Variants in PIEZO2 observed in about 807,000 individuals in gnomAD.
The protein encoded by PIEZO2 is piezo-type mechanosensitive ion channel component 2.
PIEZO2 carries 172 observed loss-of-function variants against 337.3 expected under a neutral mutation model. The observed-to-expected ratio is 0.51, with a 90% CI of 0.45 to 0.58. PIEZO2 has a LOEUF of 0.58. PIEZO2 is among the 20% of genes least tolerant of loss of function. PIEZO2 has a pLI of 0.00. For missense variants in PIEZO2, 3,028 were observed against 3,391.3 expected (o/e 0.89, Z 2.66); for synonymous variants, 1,251 against 1,228.5 (o/e 1.02, Z -0.38).
chr18:10,969,979 C>A lies in PIEZO2; in HGVS notation c.286+9556G>T, dbSNP rs1331280712. Among the ~76,000 whole-genome samples, 1 of 151,544 alleles carries A rather than the reference C, an allele frequency of 6.6e-6. No individual in the cohort carries two copies. The highest frequency in any genetic ancestry group is 1.5e-5 in the Non-Finnish European group (1 of 67,830). On this transcript the variant is annotated intron_variant, in intron 3 of 55. Coordinates refer to ENST00000674853, the MANE Select transcript of PIEZO2 (RefSeq NM_001378183.1). The surrounding 1 kb of genome is among the most constrained non-coding windows in gnomAD (Gnocchi z 4.5). ...TGGGCAGTATGCTATACATCAGCCA[C>A]TGTGGTCAGTGCTCAGGTTACAAAA... is the stretch of plus-strand genomic sequence containing the variant.
At chr18:10,923,267 G>T (rs571724271) in intron 3 of PIEZO2, among the ~76,000 whole-genome samples, 13 of 152,218 alleles carry the variant, frequency 8.5e-5, no homozygotes, top group African/African-American at 3.1e-4. Flanking sequence ...AGATTTCATC[G>T]TACTCATTCT....
intron 33 of PIEZO2, chr18:10,739,510 T>C (rs960019296): frequency 1.3e-5 from 2 of 152,094 alleles, no homozygotes; most frequent in Non-Finnish European, 2.9e-5. Context: ...CCAGGTGAGG[T>C]GAAAAAACAT....
intron 45 of PIEZO2, 68 bp downstream of exon 45, chr18:10,697,678 GTT>G: frequency 6.4e-7 from 1 of 1,561,102 alleles, no homozygotes; most frequent in Non-Finnish European, 8.7e-7. Context: ...TCTGCTCCTG[GTT>G]TATAGGAAAT....
chr18:10,778,765 G>A (rs1053402774), intron 18 of PIEZO2, among the ~76,000 whole-genome samples: 1 of 152,192 alleles, frequency 6.6e-6, no homozygotes, highest in African/African-American at 2.4e-5. Context: ...GAAGTCCTGA[G>A]AGAATTAGCT....
rs2039492794 is a variant in PIEZO2, at chr18:11,104,048, T to G, written c.65-37826A>C. ...ACGTGGATCACTGAAAGTTACTGGT[T>G]TTCATGTCTTCATTTCCAGTTGAAG... On this transcript the variant is annotated intron_variant, in intron 1 of 55. Transcript: ENST00000674853. The surrounding 1 kb of genome is among the most constrained non-coding windows in gnomAD (Gnocchi z 4.6). 6.6e-6 allele frequency among the ~76,000 whole-genome samples: 1 copy of G among 152,152 alleles called. No homozygotes were observed. Among genetic ancestry groups the G allele is most frequent in the Admixed American group, 6.5e-5 (1 of 15,280 alleles).
rs2038577630 is a variant in PIEZO2, at chr18:11,077,212, G to A, written c.65-10990C>T. Among the ~76,000 whole-genome samples, 1 of 152,208 alleles carries A rather than the reference G, an allele frequency of 6.6e-6. No homozygotes were observed. The highest frequency in any genetic ancestry group is 2.4e-5 in the African/African-American group (1 of 41,458). ...CCATTATGATGAATAAGAATAATTAGGGGGCCAACTGGGAGCTAAGAAAAG... is the reference window on the plus strand; with the variant it reads ...CCATTATGATGAATAAGAATAATTAAGGGGCCAACTGGGAGCTAAGAAAAG... On this transcript the variant is annotated intron_variant, in intron 1 of 55. Coordinates refer to ENST00000674853, the MANE Select transcript of PIEZO2 (RefSeq NM_001378183.1). This position sits in a 1 kb window ranked among gnomAD's most constrained non-coding sequence, Gnocchi z 4.8.
At position 11,148,335 on chromosome 18, in the gene PIEZO2, C is replaced by T. The variant is rs1017680018; in HGVS notation, c.64+190G>A. Among the ~76,000 whole-genome samples the T allele has an allele frequency of 6.6e-6, 1 of 152,178 alleles. No homozygotes were observed. ...GTCCCGAGCATCCTGTTAAGAGATA[C>T]CCCGATCGCGCGCCCCAGAGTGGGA... On this transcript the variant is annotated intron_variant, in intron 1 of 55. Coordinates refer to ENST00000674853, the MANE Select transcript of PIEZO2 (RefSeq NM_001378183.1). This position sits in a 1 kb window ranked among gnomAD's most constrained non-coding sequence, Gnocchi z 5.2.
intron 3 of PIEZO2, among the ~76,000 whole-genome samples, chr18:10,956,318 T>A (rs2033518228): frequency 6.6e-6 from 1 of 152,132 alleles, no homozygotes; most frequent in South Asian, 2.1e-4. Flanking sequence ...TAGGAATAAA[T>A]TTAACCAGGA....
At position 10,748,479 on chromosome 18, in the gene PIEZO2, C is replaced by G. The variant is rs1420767338; in HGVS notation, c.4416G>C (p.Leu1472=). ...VVADIKASQI[L]ASRGAELFQA... ...TTCATGGCCTGACCCACCTTGATGC[C>G]AGAATCTGGGAAGCTTTTATATCAG... The change falls in exon 30 of 56, where the codon CTG becomes CTC. Residue 1472 remains leucine, a synonymous_variant. Transcript: ENST00000674853. This position sits in a 1 kb window ranked among gnomAD's most constrained non-coding sequence, Gnocchi z 5.1. The G allele has an allele frequency of 1.3e-6, 2 of 1,536,830 alleles. No homozygotes were observed. The highest frequency in any genetic ancestry group is 1.7e-6 in the Non-Finnish European group (2 of 1,146,814).
chr18:10,706,176 T>C (rs1158928075), intron 40 of PIEZO2, among the ~76,000 whole-genome samples: 1 of 152,092 alleles, frequency 6.6e-6, no homozygotes, highest in Non-Finnish European at 1.5e-5. Flanking sequence ...TCTTAGCAAA[T>C]AGGTATTCTA....
chr18:10,787,138 G>A lies in PIEZO2; in HGVS notation c.2216C>T (p.Ser739Leu), dbSNP rs2039250701. ...CACCAGCATAGTGTAAATAACCACTGACATCCAAAAATATTTTAGAATTTT... is the reference window on the plus strand; with the variant it reads ...CACCAGCATAGTGTAAATAACCACTAACATCCAAAAATATTTTAGAATTTT... ...WRKILKYFWM[S>L]VVIYTMLVLI... The change falls in exon 16 of 56, where the codon TCA (serine) becomes TTA (leucine). Residue 739 changes from serine to leucine, a missense_variant. Ser to Leu is a moderately radical substitution (Grantham distance 145, BLOSUM62 -2). Around this residue, in one of 5 missense-constraint regions of PIEZO2, gnomAD observed 1,925 missense variants for 2,051.9 expected, o/e 0.94. Transcript: ENST00000674853. 6.5e-7 allele frequency: 1 copy of A among 1,533,072 alleles called. No homozygotes were observed. The highest frequency in any genetic ancestry group is 8.7e-7 in the Non-Finnish European group (1 of 1,145,474). 95.0% of individuals were successfully genotyped at this position (1,533,072 alleles called of 1,614,324 possible).
intron 7 of PIEZO2, among the ~76,000 whole-genome samples, chr18:10,811,992 C>T (rs866404960): frequency 2.0e-5 from 3 of 152,166 alleles, no homozygotes; most frequent in Non-Finnish European, 2.9e-5. Context: ...CGCCACCACG[C>T]CCGGCTAACT....
chr18:11,066,328 C>G, intron 1 of PIEZO2, 106 bp from the exon 2 acceptor site: 1 of 752,808 alleles, frequency 1.3e-6, no homozygotes, highest in Non-Finnish European at 2.2e-6. Flanking sequence ...CTGGATCAAA[C>G]AGTGTCACTT....
chr18:10,948,672 T>C (rs9950334), intron 3 of PIEZO2, among the ~76,000 whole-genome samples: 21,166 of 152,038 alleles, frequency 0.14, 2,480 homozygotes, highest in African/African-American at 0.31. Flanking sequence ...GAGGGGGAAA[T>C]GTCTGGAAGC....
rs549183327 is a variant in PIEZO2, at chr18:10,961,350, G to C, written c.286+18185C>G. On this transcript the variant is annotated intron_variant, in intron 3 of 55. Transcript: ENST00000674853. The stretch of plus-strand genomic sequence containing the variant: ...CATCGTATGTTCTTACTGATATGTG[G>C]GAGTTAAGCTGTGAGGACGCAAAGG... Among the ~76,000 whole-genome samples, 5 of 152,274 alleles carry C rather than the reference G, an allele frequency of 3.3e-5. No individual in the cohort carries two copies. The East Asian group carries it at 9.7e-4, about 29-fold the overall frequency.
rs958479880 is a variant in PIEZO2, at chr18:10,807,671, C to T, written c.918-397G>A. Among the ~76,000 whole-genome samples the T allele has an allele frequency of 2.0e-5, 3 of 152,108 alleles. No individual in the cohort carries two copies. In the South Asian group the frequency reaches 6.2e-4, roughly 31 times the overall value. Reference sequence around the variant, plus strand: ...AGTATGTGGTAACATGTTACTAGTCCAGCTAAATGAGCAAATATTTTGTTT... The same window carrying T: ...AGTATGTGGTAACATGTTACTAGTCTAGCTAAATGAGCAAATATTTTGTTT... On this transcript the variant is annotated intron_variant, in intron 7 of 55. Transcript: ENST00000674853.
At chr18:11,037,110 A>G (rs1394883072) in intron 2 of PIEZO2, among the ~76,000 whole-genome samples, 1 of 152,082 alleles carries the variant, frequency 6.6e-6, no homozygotes, top group East Asian at 1.9e-4. Flanking sequence ...GATTACAGAC[A>G]CCCACCACTG....
At position 10,857,195 on chromosome 18, in the gene PIEZO2, A is replaced by AT; in HGVS notation, c.508dup (p.Ile170AsnfsTer2). On this transcript the variant is annotated frameshift_variant, in exon 6 of 56. Transcript: ENST00000674853. LOFTEE classifies it high-confidence loss of function. ...ATAGATCAGTGCCTCTTCTGAATCA[A>AT]TTTTTTCTCCTTCAGCCTAAATAAA... The AT allele has an allele frequency of 6.5e-7, 1 of 1,537,598 alleles. No homozygotes were observed. Among genetic ancestry groups the AT allele is most frequent in the South Asian group, 1.2e-5 (1 of 84,054 alleles).
chr18:10,728,543 A>G (rs1341460466), intron 36 of PIEZO2: 1 of 152,216 alleles, frequency 6.6e-6, no homozygotes, highest in Non-Finnish European at 1.5e-5. Context: ...TATCTGCACT[A>G]TGGAATATTT....
Sources: gnomAD v4.1 joint callset for allele counts (sites outside exome capture counted in the v4.1 genomes callset) on GRCh38, gnomAD v4.1.1 for gene constraint, gnomAD v4.1.1 regional missense constraint, Gnocchi (gnomAD v3.1) non-coding constraint, MANE v1.5 for transcripts, NCBI Gene and HGNC (gene_info 2026-07-23, HGNC 2026-07-21) for gene names.